BCAS4: variants seen among roughly 807,000 people sequenced by gnomAD.
The protein encoded by BCAS4 is breast carcinoma-amplified sequence 4.
Under a neutral mutation model 15.7 loss-of-function variants are expected in BCAS4, and 9 were observed. The ratio of observed to expected loss-of-function variants is 0.57; its 90% CI spans 0.34 to 1.00. BCAS4 has a LOEUF of 1.00. Ranked by LOEUF, BCAS4 falls within the 50% of genes least tolerant of loss-of-function variation. BCAS4 has a pLI of 0.02. For synonymous variants in BCAS4, 101 were observed against 99.5 expected (o/e 1.02, Z -0.09); for missense variants, 225 against 239.1 (o/e 0.94, Z 0.39).
At chr20:50,863,124 C>G (rs1453935073) in intron 4 of BCAS4, among the ~76,000 whole-genome samples, 1 of 151,998 alleles carries the variant, frequency 6.6e-6, no homozygotes, top group African/African-American at 2.4e-5. Flanking sequence ...GCCACCATGC[C>G]TGGCGAGGGC....
chr20:50,795,056 C>T, upstream of BCAS4: 9 of 1,482,734 alleles, frequency 6.1e-6, no homozygotes, highest in Non-Finnish European at 8.1e-6. Flanking sequence ...CAGGCAGCCT[C>T]CGCCAGCCGG....
chr20:50,844,179 G>A (rs1228357327), intron 4 of BCAS4, among the ~76,000 whole-genome samples: 3 of 152,002 alleles, frequency 2.0e-5, no homozygotes, highest in Non-Finnish European at 4.4e-5. Flanking sequence ...GCCAGATGTG[G>A]TAGCTCATGG....
chr20:50,809,808 A>G (rs751147532), intron 1 of BCAS4, among the ~76,000 whole-genome samples: 1 of 152,132 alleles, frequency 6.6e-6, no homozygotes, highest in Admixed American at 6.6e-5. Flanking sequence ...TTTTCTTTGT[A>G]GAAGTCTTTC....
intron 4 of BCAS4, among the ~76,000 whole-genome samples, chr20:50,862,483 G>A (rs915769156): frequency 2.6e-5 from 4 of 152,030 alleles, no homozygotes; most frequent in African/African-American, 7.3e-5. Flanking sequence ...GCAGGAGAGG[G>A]GTCGCAGGTG....
chr20:50,821,215 C>G (rs2088211841), intron 2 of BCAS4, among the ~76,000 whole-genome samples: 2 of 152,178 alleles, frequency 1.3e-5, no homozygotes, highest in African/African-American at 4.8e-5. Flanking sequence ...GAAAGTAAAG[C>G]CAGACCAAGA....
chr20:50,814,265 G>A (rs1230607548), intron 1 of BCAS4, among the ~76,000 whole-genome samples: 1 of 152,172 alleles, frequency 6.6e-6, no homozygotes. Flanking sequence ...CAGCAACAAA[G>A]GGGACACATT....
In BCAS4 at chr20:50,872,134, G is replaced by A. The variant is rs186016914; in HGVS notation, c.400-4352G>A. 5.7e-4 allele frequency among the ~76,000 whole-genome samples: 86 copies of A among 152,026 alleles called. 1 individual carries two copies. Among genetic ancestry groups the A allele is most frequent in the African/African-American group, 2.0e-3 (83 of 41,456 alleles). On this transcript the variant is annotated intron_variant, in intron 4 of 4. Coordinates refer to ENST00000371608, the MANE Select transcript of BCAS4 (RefSeq NM_198799.4). Reference sequence around the variant, plus strand: ...AAATTAGCTGGTTGTGGTGGTGGGCGCCTTTAGTAATCCCAGCTACTCAGG... The same window carrying A: ...AAATTAGCTGGTTGTGGTGGTGGGCACCTTTAGTAATCCCAGCTACTCAGG...
At chr20:50,848,915 T>C (rs945416516) in intron 4 of BCAS4, among the ~76,000 whole-genome samples, 2 of 152,258 alleles carry the variant, frequency 1.3e-5, no homozygotes, top group African/African-American at 4.8e-5. Context: ...GAGACCCTGC[T>C]AGAGGGGGCA....
At chr20:50,813,557 A>G (rs1373470155) in intron 1 of BCAS4, among the ~76,000 whole-genome samples, 2 of 151,940 alleles carry the variant, frequency 1.3e-5, no homozygotes, top group Non-Finnish European at 2.9e-5. Flanking sequence ...TTGCTGGCAC[A>G]TTGGATGGGG....
intron 1 of BCAS4, among the ~76,000 whole-genome samples, chr20:50,801,070 C>T (rs541906926): frequency 1.8e-4 from 27 of 152,252 alleles, no homozygotes; most frequent in African/African-American, 5.8e-4. Context: ...CCTAACATGT[C>T]GCATCCTTTT....
intron 4 of BCAS4, among the ~76,000 whole-genome samples, chr20:50,849,234 G>A (rs1333368615): frequency 6.6e-6 from 1 of 152,230 alleles, no homozygotes; most frequent in African/African-American, 2.4e-5. Context: ...TTTTTCTGAT[G>A]GAGAAGAACA....
intron 1 of BCAS4, among the ~76,000 whole-genome samples, chr20:50,796,293 T>A (rs1437981776): frequency 2.8e-5 from 4 of 142,686 alleles, no homozygotes; most frequent in Non-Finnish European, 6.1e-5. Context: ...CGCTTGAACC[T>A]GGGAGGCGGA....
chr20:50,812,307 T>C (rs550487403), intron 1 of BCAS4, among the ~76,000 whole-genome samples: 21 of 151,990 alleles, frequency 1.4e-4, no homozygotes, highest in African/African-American at 4.8e-4. Flanking sequence ...TAATTTTTTG[T>C]ATTTTTTAGT....
intron 4 of BCAS4, among the ~76,000 whole-genome samples, chr20:50,847,045 G>A (rs765580651): frequency 3.9e-5 from 6 of 152,160 alleles, no homozygotes; most frequent in Non-Finnish European, 8.8e-5. Context: ...GGAAAATGAT[G>A]AGGGCCCACG....
chr20:50,864,322 A>T (rs1208249969), intron 4 of BCAS4, among the ~76,000 whole-genome samples: 1 of 152,044 alleles, frequency 6.6e-6, no homozygotes, highest in African/African-American at 2.4e-5. Context: ...ACTGAGTCTT[A>T]GTTTCCATGG....
At chr20:50,836,138 G>A (rs1428408486) in intron 3 of BCAS4, among the ~76,000 whole-genome samples, 1 of 152,072 alleles carries the variant, frequency 6.6e-6, no homozygotes, top group African/African-American at 2.4e-5. Flanking sequence ...GGCTGGTCCC[G>A]AACTCCTGAC....
rs367775804 is a variant in BCAS4, at chr20:50,876,507, G to A, written c.421G>A (p.Val141Met). 95 of 1,613,662 alleles carry A rather than the reference G, an allele frequency of 5.9e-5. No individual in the cohort carries two copies. The highest frequency in any genetic ancestry group is 3.3e-4 in the Middle Eastern group (2 of 6,084). Residue 141 changes from valine to methionine, a missense_variant, in exon 5 of 5, where the codon GTG (valine) becomes ATG (methionine). Coordinates refer to ENST00000371608, the MANE Select transcript of BCAS4 (RefSeq NM_198799.4). ...FRNKSPAPVP[V>M]TYELPTLYRT... ...CCAGAAGTCACCTGCACCGGTGCCC[G>A]TGACGTACGAGCTGCCCACACTGTA...
chr20:50,809,460 C>T (rs11906163), intron 1 of BCAS4, among the ~76,000 whole-genome samples: 24,407 of 152,106 alleles, frequency 0.16, 1,982 homozygotes, highest in African/African-American at 0.17. Flanking sequence ...CCACCCGCCT[C>T]GGCCTCCCAA....
At chr20:50,797,522 CCT>C (rs992226060) in intron 1 of BCAS4, among the ~76,000 whole-genome samples, 166 of 152,086 alleles carry the variant, frequency 1.1e-3, no homozygotes, top group African/African-American at 4.0e-3. Flanking sequence ...CAGGGAAACC[CCT>C]GTCTCTACAA....
Sources: allele counts gnomAD v4.1 joint callset (sites outside exome capture counted in the v4.1 genomes callset), GRCh38; gene constraint gnomAD v4.1.1; transcripts MANE v1.5; gene names NCBI Gene and HGNC (gene_info 2026-07-23, HGNC 2026-07-21).